CLDN6: variants seen among roughly 807,000 people sequenced by gnomAD.
The protein encoded by CLDN6 is claudin-6.
For synonymous variants in CLDN6, 144 were observed against 131.2 expected (o/e 1.10, Z -0.67); for missense variants, 279 against 284.1 (o/e 0.98, Z 0.13).
chr16:3,015,030 G>A lies in CLDN6; in HGVS notation c.*329C>T, dbSNP rs190340097. On this transcript the variant is annotated 3_prime_UTR_variant, in exon 2 of 2. Transcript: ENST00000328796. The stretch of plus-strand genomic sequence containing the variant: ...CCCCAGCAGCAGCAGGAACTCTTGG[G>A]GACAGTCTGTCTTGTTGCAAAGCCA... The A allele has an allele frequency of 1.0e-3, 429 of 417,908 alleles. 1 individual carries two copies. The highest frequency in any genetic ancestry group is 8.1e-3 in the African/African-American group (395 of 48,866). The allele number at this position is 417,908 out of a possible 1,614,324, so 25.9% of individuals were successfully genotyped here. A position where few individuals can be genotyped will look rare whatever the true frequency, so the allele number is the denominator to read the frequency against.
rs1166335047 is a variant in CLDN6 at position 3,015,420 on chromosome 16, G to C, written c.602C>G (p.Ser201Ter). Reference protein sequence around the residue: ...QGPSHYMARYSTSAPAISRGP... With the variant: ...QGPSHYMARY The stretch of plus-strand genomic sequence containing the variant: ...CCGAGAGATGGCAGGGGCAGATGTT[G>C]AGTAGCGGGCCATGTAATGGCTGGG... The change falls in exon 2 of 2, where the codon TCA becomes TGA. Residue 201 changes from serine to a stop codon, truncating the protein, a stop_gained. Coordinates refer to ENST00000328796, the MANE Select transcript of CLDN6 (RefSeq NM_021195.5). LOFTEE classifies it high-confidence loss of function. 1 of 1,543,468 alleles carries C rather than the reference G, an allele frequency of 6.5e-7. No individual in the cohort carries two copies. The highest frequency in any genetic ancestry group is 2.1e-5 in the Admixed American group (1 of 48,490).
rs201318784 is a variant in CLDN6, at chr16:3,015,360, C to G, written c.662G>C (p.Ter221SerextTer11). 13 of 1,520,448 alleles carry G rather than the reference C, an allele frequency of 8.6e-6. No homozygotes were observed. The highest frequency in any genetic ancestry group is 1.8e-4 in the Middle Eastern group (1 of 5,626). 94.2% of individuals were successfully genotyped at this position (1,520,448 alleles called of 1,614,324 possible). A position where few individuals can be genotyped will look rare whatever the true frequency, so the allele number is the denominator to read the frequency against. Residue 221 changes from the stop codon to serine (S), a stop_lost, in exon 2 of 2, where the codon TGA becomes TCA. Transcript: ENST00000328796. Reference protein sequence around the residue: ...PSEYPTKNYV* With the variant: ...PSEYPTKNYVS ...GCGGAGCCCCCATTCCCCTCCACGT[C>G]AGACGTAATTCTTGGTAGGGTACTC...
intron 1 of CLDN6, among the ~76,000 whole-genome samples, chr16:3,016,522 C>T (rs1173325923): frequency 1.3e-5 from 2 of 152,198 alleles, no homozygotes; most frequent in African/African-American, 4.8e-5. Context: ...GCTCTGTGGC[C>T]CAGGCTAGAG....
intron 1 of CLDN6, among the ~76,000 whole-genome samples, chr16:3,016,463 T>C (rs567774615): frequency 1.3e-4 from 20 of 152,296 alleles, no homozygotes; most frequent in Middle Eastern, 3.4e-3. Flanking sequence ...AGTTTAAGGC[T>C]CAAAACTTGT....
At chr16:3,016,286 C>T (rs531032170) in intron 1 of CLDN6, among the ~76,000 whole-genome samples, 1 of 152,390 alleles carries the variant, frequency 6.6e-6, no homozygotes, top group East Asian at 1.9e-4. Flanking sequence ...GCAAGCAGCC[C>T]TGCCCTGGCT....
At chr16:3,017,075 C>T (rs557051378) in intron 1 of CLDN6, among the ~76,000 whole-genome samples, 2 of 152,270 alleles carry the variant, frequency 1.3e-5, no homozygotes, top group East Asian at 3.9e-4. Flanking sequence ...TGTGAGCCAC[C>T]GTGCCCAACC....
In CLDN6 at chr16:3,015,487, C is replaced by A. The variant is rs1481340164; in HGVS notation, c.535G>T (p.Gly179Trp). Residue 179 changes from glycine (G) to tryptophan (W), a missense_variant, in exon 2 of 2, where the codon GGG becomes TGG. Coordinates refer to ENST00000328796, the MANE Select transcript of CLDN6 (RefSeq NM_021195.5). ...AASGLLLLGG[G>W]LLCCTCPSGG... Reference sequence around the variant, plus strand: ...GAGGGGCAAGTGCAGCACAGCAACCCCCCACCCAGCAACAAAAGGCCTGAG... The same window carrying A: ...GAGGGGCAAGTGCAGCACAGCAACCACCCACCCAGCAACAAAAGGCCTGAG... The A allele has an allele frequency of 3.1e-6, 5 of 1,609,018 alleles. No individual in the cohort carries two copies. Among genetic ancestry groups the A allele is most frequent in the Non-Finnish European group, 3.4e-6 (4 of 1,177,530 alleles).
At position 3,015,170 on chromosome 16, in the gene CLDN6, A is replaced by G. The variant is rs2072556873; in HGVS notation, c.*189T>C. The G allele has an allele frequency of 3.9e-6, 2 of 508,512 alleles. No homozygotes were observed. The highest frequency in any genetic ancestry group is 7.5e-5 in the Admixed American group (2 of 26,804). 31.5% of individuals were successfully genotyped at this position (508,512 alleles called of 1,614,324 possible). The stretch of plus-strand genomic sequence containing the variant: ...TTTGGCTCCATCATCCAAGGGTGAG[A>G]AACAGCAGAGCCTAAGTGAGAGTCT... On this transcript the variant is annotated 3_prime_UTR_variant, in exon 2 of 2. Transcript: ENST00000328796.
chr16:3,017,480 C>T (rs935104396), intron 1 of CLDN6, among the ~76,000 whole-genome samples: 5 of 152,058 alleles, frequency 3.3e-5, no homozygotes, highest in Non-Finnish European at 7.4e-5. Flanking sequence ...CTCCCACTGC[C>T]CAGAGTACTT....
intron 1 of CLDN6, among the ~76,000 whole-genome samples, 151 bp downstream of exon 1, chr16:3,017,998 G>A (rs1301011711): frequency 6.6e-6 from 1 of 152,004 alleles, no homozygotes; most frequent in Non-Finnish European, 1.5e-5. Context: ...TCACCTCGGA[G>A]GCTTGGGCGC....
rs1219375370 is a variant in CLDN6 at position 3,015,494 on chromosome 16, C to G, written c.528G>C (p.Leu176=). 1 of 1,609,844 alleles carries G rather than the reference C, an allele frequency of 6.2e-7. No homozygotes were observed. The highest frequency in any genetic ancestry group is 1.7e-5 in the Admixed American group (1 of 59,668). Residue 176 remains leucine (L), a synonymous_variant, in exon 2 of 2, where the codon CTG becomes CTC. Coordinates refer to ENST00000328796, the MANE Select transcript of CLDN6 (RefSeq NM_021195.5). ...AAGTGCAGCACAGCAACCCCCCACC[C>G]AGCAACAAAAGGCCTGAGGCCGCCC... ...LGWAASGLLL[L]GGGLLCCTCP...
At position 3,015,426 on chromosome 16, in the gene CLDN6, C is replaced by T. The variant is rs765300431; in HGVS notation, c.596G>A (p.Arg199His). 1.2e-5 allele frequency: 19 copies of T among 1,549,962 alleles called. No individual in the cohort carries two copies. Among genetic ancestry groups the T allele is most frequent in the African/African-American group, 6.9e-5 (5 of 72,556 alleles). The change falls in exon 2 of 2, where the codon CGC (arginine) becomes CAC (histidine). Residue 199 changes from arginine (R) to histidine (H), a missense_variant. Coordinates refer to ENST00000328796, the MANE Select transcript of CLDN6 (RefSeq NM_021195.5). ...GSQGPSHYMARYSTSAPAISR... is the reference protein window; with the variant it reads ...GSQGPSHYMAHYSTSAPAISR... ...GATGGCAGGGGCAGATGTTGAGTAGCGGGCCATGTAATGGCTGGGGCCCTG... is the reference window on the plus strand; with the variant it reads ...GATGGCAGGGGCAGATGTTGAGTAGTGGGCCATGTAATGGCTGGGGCCCTG...
intron 1 of CLDN6, among the ~76,000 whole-genome samples, chr16:3,016,837 A>G (rs2151125183): frequency 6.6e-6 from 1 of 151,248 alleles, no homozygotes; most frequent in African/African-American, 2.5e-5. Context: ...TTTAGTAGAG[A>G]CGGGGTTTCA....
chr16:3,018,038 C>T (rs564169389), intron 1 of CLDN6, 111 bp downstream of exon 1: 1 of 152,404 alleles, frequency 6.6e-6, no homozygotes, highest in African/African-American at 2.4e-5. Context: ...GGGACTCGCC[C>T]ATCCAGGTGG....
Position 3,018,144 on chromosome 16 carries a change from CTCACCTGCGAAGGAGATAAGGGAAAT to C in CLDN6, c.-43_-22+4del, listed in dbSNP as rs2072579819. On this transcript the variant is annotated splice_donor_variant and splice_donor_region_variant and 5_prime_UTR_variant and intron_variant, in exon 1 of 2. Coordinates refer to ENST00000328796, the MANE Select transcript of CLDN6 (RefSeq NM_021195.5). LOFTEE classifies it low-confidence loss of function (5UTR_SPLICE). ...CTCCAACACGCACACTAGCCCCGGA[CTCACCTGCGAAGGAGATAAGGGAAAT>C]TCCTAGGCCGAGTGTCGGGACAGGG... is the stretch of plus-strand genomic sequence containing the variant. 6.6e-6 allele frequency: 1 copy of C among 152,324 alleles called. No individual in the cohort carries two copies. The highest frequency in any genetic ancestry group is 2.4e-5 in the African/African-American group (1 of 41,458). 9.4% of individuals were successfully genotyped at this position (152,324 alleles called of 1,614,324 possible).
chr16:3,014,839 G>T lies in CLDN6; in HGVS notation c.*520C>A, dbSNP rs866464519. On this transcript the variant is annotated 3_prime_UTR_variant, in exon 2 of 2. Coordinates refer to ENST00000328796, the MANE Select transcript of CLDN6 (RefSeq NM_021195.5). ...GTCTACATAGCTGGGACCTGGCCCT[G>T]GGGGGTGGACGTCTTATCAGGACGG... 6.3e-6 allele frequency: 2 copies of T among 315,592 alleles called. No homozygotes were observed. The highest frequency in any genetic ancestry group is 2.1e-5 in the African/African-American group (1 of 46,660). The allele number at this position is 315,592 out of a possible 1,614,324, so 19.5% of individuals were successfully genotyped here. A position where few individuals can be genotyped will look rare whatever the true frequency, so the allele number is the denominator to read the frequency against.
In CLDN6 at chr16:3,015,607, T is replaced by C. The variant is rs1259265437; in HGVS notation, c.415A>G (p.Thr139Ala). ...AAGTCCCGGATGATGGCATGCGCCG[T>C]CCAGCACACGGGGATTAGCGTCAGG... is the stretch of plus-strand genomic sequence containing the variant. ...GVLTLIPVCWTAHAIIRDFYN... is the reference protein window; with the variant it reads ...GVLTLIPVCWAAHAIIRDFYN... The change falls in exon 2 of 2, where the codon ACG becomes GCG. Residue 139 changes from threonine (T) to alanine (A), a missense_variant. Coordinates refer to ENST00000328796, the MANE Select transcript of CLDN6 (RefSeq NM_021195.5). 2 of 1,613,060 alleles carry C rather than the reference T, an allele frequency of 1.2e-6. No individual in the cohort carries two copies. Among genetic ancestry groups the C allele is most frequent in the Non-Finnish European group, 1.7e-6 (2 of 1,180,028 alleles).
Position 3,016,027 on chromosome 16 carries a change from G to T in CLDN6, c.-6C>A. On this transcript the variant is annotated 5_prime_UTR_variant, in exon 2 of 2. Coordinates refer to ENST00000328796, the MANE Select transcript of CLDN6 (RefSeq NM_021195.5). ...TGCATTCCGGCAGAGGCCATGGCGAGGTTGAAGGAGCTGCACTGTGTTTGG... is the reference window on the plus strand; with the variant it reads ...TGCATTCCGGCAGAGGCCATGGCGATGTTGAAGGAGCTGCACTGTGTTTGG... 6.2e-7 allele frequency: 1 copy of T among 1,611,484 alleles called. No individual in the cohort carries two copies. Among genetic ancestry groups the T allele is most frequent in the Non-Finnish European group, 8.5e-7 (1 of 1,178,420 alleles).
Position 3,015,968 on chromosome 16 carries a change from C to A in CLDN6, c.54G>T (p.Trp18Cys). The change falls in exon 2 of 2, where the codon TGG (tryptophan) becomes TGT (cysteine). Residue 18 changes from tryptophan to cysteine, a missense_variant. Physicochemically the swap from Trp to Cys is radical, Grantham distance 215 (BLOSUM62 -2). Coordinates refer to ENST00000328796, the MANE Select transcript of CLDN6 (RefSeq NM_021195.5). ...ILGVVLTLLG[W>C]VNGLVSCALP... ...GGGCACAGGAGACCAGGCCATTCAC[C>A]CAGCCCAGCAGTGTCAGGACGACTC... The A allele has an allele frequency of 6.2e-7, 1 of 1,614,218 alleles. No homozygotes were observed. Among genetic ancestry groups the A allele is most frequent in the South Asian group, 1.1e-5 (1 of 91,086 alleles).
Sources: allele counts gnomAD v4.1 joint callset (sites outside exome capture counted in the v4.1 genomes callset), GRCh38; gene constraint gnomAD v4.1.1; transcripts MANE v1.5; gene names NCBI Gene and HGNC (gene_info 2026-07-23, HGNC 2026-07-21).